The following NR1H4 variants were observed in gnomAD, a reference collection of about 807,000 sequenced individuals.
The protein encoded by NR1H4 is nuclear receptor subfamily 1 group H member 4.
In NR1H4, 23 loss-of-function variants were observed where a neutral mutation model predicts 58.5. The ratio of observed to expected loss-of-function variants is 0.39; its 90% CI spans 0.28 to 0.56. NR1H4 has a LOEUF of 0.56. Ranked by LOEUF, NR1H4 falls within the 20% of genes least tolerant of loss-of-function variation. The pLI, the probability that NR1H4 is intolerant of heterozygous loss-of-function variation, is 0.58. For synonymous variants in NR1H4, 214 were observed against 198.0 expected, an observed-to-expected ratio of 1.08 and a Z score of -0.68; for missense variants, 487 against 576.9, an observed-to-expected ratio of 0.84 and a Z score of 1.60.
intron 1 of NR1H4, among the ~76,000 whole-genome samples, chr12:100,475,269 T>C (rs1953244559): frequency 6.6e-6 from 1 of 152,192 alleles, no homozygotes; most frequent in African/African-American, 2.4e-5. Flanking sequence ...GACACTTTTA[T>C]CTTTGTGTTA....
At chr12:100,478,576 C>G (rs1375841044) in intron 1 of NR1H4, among the ~76,000 whole-genome samples, 1 of 152,200 alleles carries the variant, frequency 6.6e-6, no homozygotes, top group Non-Finnish European at 1.5e-5. Context: ...CTATTCTCCT[C>G]TACTTCACTG....
chr12:100,511,222 C>T (rs1413045237), intron 4 of NR1H4, 79 bp downstream of exon 4: 1 of 1,590,770 alleles, frequency 6.3e-7, no homozygotes, highest in African/African-American at 1.3e-5. Context: ...TAATTGCTTC[C>T]CTTTTCCCAG....
At chr12:100,551,479 T>G (rs1955201220) in intron 9 of NR1H4, among the ~76,000 whole-genome samples, 1 of 152,248 alleles carries the variant, frequency 6.6e-6, no homozygotes, top group African/African-American at 2.4e-5. Context: ...AGACTATTTA[T>G]AAGAAGGGTA....
chr12:100,537,191 T>C, intron 8 of NR1H4, 144 bp downstream of exon 8: 2 of 623,778 alleles, frequency 3.2e-6, no homozygotes, highest in Admixed American at 3.1e-5. Context: ...CTTTGCCAAG[T>C]ATTTTCACAT....
intron 4 of NR1H4, among the ~76,000 whole-genome samples, chr12:100,526,504 C>A (rs1356469326): frequency 6.6e-6 from 1 of 152,146 alleles, no homozygotes; most frequent in Non-Finnish European, 1.5e-5. Context: ...AAGTTAATCT[C>A]TTCTAAGCTC....
intron 1 of NR1H4, among the ~76,000 whole-genome samples, chr12:100,474,418 A>G (rs1953224873): frequency 6.6e-6 from 1 of 152,224 alleles, no homozygotes; most frequent in Non-Finnish European, 1.5e-5. Flanking sequence ...TTGGTGATTT[A>G]TCAAATCTTG....
At chr12:100,480,954 CTG>C (rs1432977448) in intron 1 of NR1H4, among the ~76,000 whole-genome samples, 2 of 152,194 alleles carry the variant, frequency 1.3e-5, no homozygotes, top group African/African-American at 4.8e-5. Flanking sequence ...ATTTTTAAAT[CTG>C]AGATATCTGC....
Position 100,518,258 on chromosome 12 carries a change from G to A in NR1H4, c.445+7115G>A, listed in dbSNP as rs139658351. On this transcript the variant is annotated intron_variant, in intron 4 of 10. Transcript: ENST00000392986. The stretch of plus-strand genomic sequence containing the variant: ...ACCCTGGAAAACACTTACCTTAAAG[G>A]TGGTCAGGGGAAGAGAAGCCCACAA... Among the ~76,000 whole-genome samples the A allele has an allele frequency of 2.1e-3, 315 of 152,280 alleles. 3 individuals carry two copies. Among genetic ancestry groups the A allele is most frequent in the African/African-American group, 7.1e-3 (294 of 41,542 alleles).
chr12:100,541,545 G>A (rs1954935658), intron 9 of NR1H4, among the ~76,000 whole-genome samples: 1 of 151,782 alleles, frequency 6.6e-6, no homozygotes, highest in African/African-American at 2.4e-5. Flanking sequence ...GCCTTCCAAA[G>A]TGCTGAGATT....
chr12:100,516,430 C>T (rs538955978), intron 4 of NR1H4, among the ~76,000 whole-genome samples: 11 of 151,560 alleles, frequency 7.3e-5, no homozygotes, highest in South Asian at 4.2e-4. Context: ...AGTGCAGTGG[C>T]GCGATCTCAG....
At chr12:100,534,797 T>A in intron 5 of NR1H4, 93 bp from the exon 6 acceptor site, 1 of 1,426,240 alleles carries the variant, frequency 7.0e-7, no homozygotes, top group Non-Finnish European at 9.9e-7. Flanking sequence ...GCATAGGGGA[T>A]CTTCTGGGCC....
intron 4 of NR1H4, among the ~76,000 whole-genome samples, chr12:100,520,206 G>A (rs1177231344): frequency 6.6e-6 from 1 of 152,140 alleles, no homozygotes; most frequent in Non-Finnish European, 1.5e-5. Flanking sequence ...ATTATACTCT[G>A]TAACTTTCCA....
intron 2 of NR1H4, 92 bp from the exon 3 acceptor site, chr12:100,493,178 T>C: frequency 1.5e-6 from 1 of 650,760 alleles, no homozygotes; most frequent in South Asian, 1.8e-5. Context: ...CCATTTGTAC[T>C]TTCGTAAACT....
intron 6 of NR1H4, 77 bp from the exon 7 acceptor site, chr12:100,536,435 C>A (rs17030285): frequency 1.2e-5 from 10 of 826,968 alleles, no homozygotes; most frequent in Non-Finnish European, 1.7e-5. Context: ...TATTAGGTCC[C>A]TCCAGATGAA....
intron 1 of NR1H4, among the ~76,000 whole-genome samples, chr12:100,482,184 C>A (rs1361212826): frequency 6.6e-6 from 1 of 152,048 alleles, no homozygotes; most frequent in Non-Finnish European, 1.5e-5. Flanking sequence ...AAAATGGTTC[C>A]CATGGGGAGA....
At chr12:100,478,670 G>A (rs926497336) in intron 1 of NR1H4, among the ~76,000 whole-genome samples, 59 of 152,114 alleles carry the variant, frequency 3.9e-4, no homozygotes, top group Admixed American at 5.9e-4. Context: ...AGTTCATTTA[G>A]CCATTCCACT....
rs1247429669 is a variant in NR1H4, at chr12:100,505,022, A to T, written c.80-5756A>T. On this transcript the variant is annotated intron_variant, in intron 3 of 10. Transcript: ENST00000392986. ...GAGGCACTGACATCACAAAGGCCTG[A>T]TGCCAGGAACAGCAAACAACTTTGC... Among the ~76,000 whole-genome samples the T allele has an allele frequency of 3.3e-5, 5 of 152,282 alleles. No individual in the cohort carries two copies. In the East Asian group the frequency reaches 9.7e-4, roughly 29 times the overall value.
intron 4 of NR1H4, among the ~76,000 whole-genome samples, chr12:100,522,031 T>C (rs377433795): frequency 6.6e-6 from 1 of 152,130 alleles, no homozygotes; most frequent in African/African-American, 2.4e-5. Context: ...CCAGGTGTCC[T>C]AAATTACTTA....
chr12:100,478,647 T>G (rs1303457624), intron 1 of NR1H4, among the ~76,000 whole-genome samples: 1 of 152,120 alleles, frequency 6.6e-6, no homozygotes, highest in Non-Finnish European at 1.5e-5. Context: ...TAATAGTTGA[T>G]ACTATAGAGC....
Sources: allele counts gnomAD v4.1 joint callset (sites outside exome capture counted in the v4.1 genomes callset), GRCh38; gene constraint gnomAD v4.1.1; transcripts MANE v1.5; gene names NCBI Gene and HGNC (gene_info 2026-07-23, HGNC 2026-07-21).